PLEKHG1: variants seen among roughly 807,000 people sequenced by gnomAD.
The protein encoded by PLEKHG1 is pleckstrin homology domain-containing family G member 1.
Under a neutral mutation model 100.8 loss-of-function variants are expected in PLEKHG1, and 44 were observed. The observed-to-expected ratio is 0.44, with a 90% CI of 0.34 to 0.56. The LOEUF is 0.56. PLEKHG1 is among the 20% of genes least tolerant of loss of function. The pLI, the probability that PLEKHG1 is intolerant of heterozygous loss-of-function variation, is 0.01. For missense variants in PLEKHG1, 1,545 were observed against 1,720.9 expected, an observed-to-expected ratio of 0.90 and a Z score of 1.81; for synonymous variants, 640 against 662.5, an observed-to-expected ratio of 0.97 and a Z score of 0.52.
At chr6:150,713,603 T>C (rs142906977) in intron 3 of PLEKHG1, among the ~76,000 whole-genome samples, 65 of 152,308 alleles carry the variant, frequency 4.3e-4, no homozygotes, top group African/African-American at 1.5e-3. Flanking sequence ...TGGTAATTGC[T>C]GAGGGTCAGG....
rs552383362 is a variant in PLEKHG1 at position 150,675,915 on chromosome 6, A to G, written c.-99+25129A>G. On this transcript the variant is annotated intron_variant, in intron 3 of 3. Coordinates refer to the PLEKHG1 transcript ENST00000367326. ...AGATATCATTAAATACCTACAAAAC[A>G]TAGATGAAACGAGTAAAAAGTGAGT... Among the ~76,000 whole-genome samples, 28 of 152,376 alleles carry G rather than the reference A, an allele frequency of 1.8e-4. No homozygotes were observed. The South Asian group carries it at 5.8e-3, about 32-fold the overall frequency.
At chr6:150,801,195 C>T (rs546241764) in intron 6 of PLEKHG1, among the ~76,000 whole-genome samples, 106 of 152,096 alleles carry the variant, frequency 7.0e-4, no homozygotes, top group African/African-American at 2.5e-3. Flanking sequence ...CCATCAGCCC[C>T]GATTCAGTAG....
At chr6:150,732,339 T>C (rs80342709) in intron 1 of PLEKHG1, among the ~76,000 whole-genome samples, 2,176 of 152,338 alleles carry the variant, frequency 0.014, 59 homozygotes, top group African/African-American at 0.049. Flanking sequence ...TGCTCTCTAA[T>C]AGTATCATAA....
chr6:150,793,581 TAGCCA>T (rs1786120921), intron 4 of PLEKHG1, among the ~76,000 whole-genome samples: 1 of 152,182 alleles, frequency 6.6e-6, no homozygotes, highest in Admixed American at 6.6e-5. Flanking sequence ...TTAATAGATC[TAGCCA>T]ATAAGTACCA....
intron 15 of PLEKHG1, among the ~76,000 whole-genome samples, chr6:150,838,388 A>G (rs1282895850): frequency 6.6e-6 from 1 of 152,032 alleles, no homozygotes; most frequent in Non-Finnish European, 1.5e-5. Context: ...TTCTTAAAAC[A>G]TTAAGGGTTT....
At chr6:150,774,868 T>C (rs1267912710) in intron 3 of PLEKHG1, among the ~76,000 whole-genome samples, 1 of 151,988 alleles carries the variant, frequency 6.6e-6, no homozygotes, top group Non-Finnish European at 1.5e-5. Context: ...TTAAAAATTC[T>C]TTTTTAAAAT....
At chr6:150,640,575 G>A (rs563936523) in intron 2 of PLEKHG1, among the ~76,000 whole-genome samples, 5 of 151,794 alleles carry the variant, frequency 3.3e-5, no homozygotes, top group Admixed American at 6.6e-5. Flanking sequence ...TATATCATCC[G>A]GACTCTCCCA....
At chr6:150,677,607 G>T (rs1420103739) in intron 3 of PLEKHG1, among the ~76,000 whole-genome samples, 2 of 152,110 alleles carry the variant, frequency 1.3e-5, no homozygotes, top group African/African-American at 4.8e-5. Context: ...TACCCCTCAT[G>T]TAGAATGCTG....
Position 150,745,945 on chromosome 6 carries a change from T to A in PLEKHG1, c.411+11853T>A, listed in dbSNP as rs80238516. Reference sequence around the variant, plus strand: ...GGAAGCAAGAGAGGGAGAAAAAGATTAAAAGAATAGAGAACAAAGAAGAAA... The same window carrying A: ...GGAAGCAAGAGAGGGAGAAAAAGATAAAAAGAATAGAGAACAAAGAAGAAA... On this transcript the variant is annotated intron_variant, in intron 2 of 15. Transcript: ENST00000358517. 8.2e-3 allele frequency among the ~76,000 whole-genome samples: 1,251 copies of A among 151,872 alleles called. 21 individuals are homozygous for A. Among genetic ancestry groups the A allele is most frequent in the African/African-American group, 0.029 (1,188 of 41,400 alleles).
intron 15 of PLEKHG1, 90 bp from the exon 17 acceptor site, chr6:150,839,743 A>G (rs1777415033): frequency 1.2e-6 from 1 of 841,170 alleles, no homozygotes; most frequent in South Asian, 1.7e-5. Flanking sequence ...ATTTTAAAAT[A>G]CGTTGGTTAG....
At chr6:150,810,384 G>A (rs1168526405) in intron 10 of PLEKHG1, among the ~76,000 whole-genome samples, 7 of 151,012 alleles carry the variant, frequency 4.6e-5, no homozygotes, top group Admixed American at 2.6e-4. Flanking sequence ...TCAGCCACCC[G>A]AGTAGCTGGG....
At chr6:150,645,003 A>G (rs891271710) in intron 2 of PLEKHG1, among the ~76,000 whole-genome samples, 3 of 152,236 alleles carry the variant, frequency 2.0e-5, no homozygotes, top group African/African-American at 4.8e-5. Context: ...TCTAAAATGT[A>G]TACAGAACAA....
At chr6:150,684,380 A>C (rs1780040349) in intron 3 of PLEKHG1, among the ~76,000 whole-genome samples, 1 of 152,230 alleles carries the variant, frequency 6.6e-6, no homozygotes, top group South Asian at 2.1e-4. Flanking sequence ...GGAATGACGA[A>C]TGCACAAAGG....
At chr6:150,601,059 A>T (rs1288270078) in intron 1 of PLEKHG1, among the ~76,000 whole-genome samples, 1 of 152,168 alleles carries the variant, frequency 6.6e-6, no homozygotes, top group African/African-American at 2.4e-5. Context: ...AACAGATTGG[A>T]TACAGAACTA....
intron 10 of PLEKHG1, among the ~76,000 whole-genome samples, chr6:150,813,043 C>A (rs182340388): frequency 0.015 from 2,277 of 152,150 alleles, 67 homozygotes; most frequent in African/African-American, 0.052. Flanking sequence ...CGGTGGCTCA[C>A]ACCTGTAATC....
At chr6:150,705,391 C>T (rs1780961954) in intron 3 of PLEKHG1, among the ~76,000 whole-genome samples, 1 of 152,138 alleles carries the variant, frequency 6.6e-6, no homozygotes, top group South Asian at 2.1e-4. Flanking sequence ...CACAAGAATC[C>T]CCTGTTCTCT....
chr6:150,808,733 CAG>C (rs60713964), intron 7 of PLEKHG1, among the ~76,000 whole-genome samples: 7,971 of 152,132 alleles, frequency 0.052, 329 homozygotes, highest in African/African-American at 0.11. Flanking sequence ...GCCTGGGTGA[CAG>C]AGCGAGACTC....
chr6:150,649,074 A>G (rs1417202057), intron 2 of PLEKHG1, among the ~76,000 whole-genome samples: 1 of 151,960 alleles, frequency 6.6e-6, no homozygotes, highest in Non-Finnish European at 1.5e-5. Flanking sequence ...TGTCTTGCCT[A>G]TATCATATTT....
At chr6:150,835,091 G>A (rs892389929) in intron 15 of PLEKHG1, among the ~76,000 whole-genome samples, 3 of 152,150 alleles carry the variant, frequency 2.0e-5, no homozygotes, top group Non-Finnish European at 4.4e-5. Context: ...TTCACCTGCC[G>A]AAACTCTCGA....
Sources: allele counts gnomAD v4.1 joint callset (sites outside exome capture counted in the v4.1 genomes callset), GRCh38; gene constraint gnomAD v4.1.1; transcripts MANE v1.5; gene names NCBI Gene and HGNC (gene_info 2026-07-23, HGNC 2026-07-21).